UGT1A8: variants seen among roughly 807,000 people sequenced by gnomAD.
UGT1A8 encodes the protein UDP glucuronosyltransferase family 1 member A8, also known as UDP-glucuronosyltransferase 1A8.
UGT1A8 carries 39 observed loss-of-function variants against 45.3 expected under a neutral mutation model. The observed-to-expected ratio is 0.86, with a 90% confidence interval of 0.67 to 1.12. UGT1A8 has a LOEUF of 1.12. Ranked by LOEUF, UGT1A8 falls within the 50% of genes most tolerant of loss-of-function variation. UGT1A8 has a pLI of 0.00. For synonymous variants in UGT1A8, 275 were observed against 249.2 expected, an observed-to-expected ratio of 1.10 and a Z score of -0.97; for missense variants, 719 against 664.9, an observed-to-expected ratio of 1.08 and a Z score of -0.90.
Position 233,760,202 on chromosome 2 carries a change from A to C in UGT1A8, c.856-6832A>C, listed in dbSNP as rs1457649665. ...TTTTATAGTCACGTGACACAGTCAA[A>C]CATTAACTTGGTGTATCGATTGGTT... On this transcript the variant is annotated intron_variant, in intron 1 of 4. Transcript: ENST00000373450. 3.2e-6 allele frequency: 5 copies of C among 1,583,728 alleles called. No homozygotes were observed. The Admixed American group carries it at 8.5e-5, about 27-fold the overall frequency.
At chr2:233,631,569 T>C (rs1559315627) in intron 1 of UGT1A8, among the ~76,000 whole-genome samples, 1 of 152,232 alleles carries the variant, frequency 6.6e-6, no homozygotes. Flanking sequence ...GGTTTTGATT[T>C]GCATTTCTCT....
At chr2:233,701,365 A>G (rs571373047) in intron 1 of UGT1A8, among the ~76,000 whole-genome samples, 5 of 152,274 alleles carry the variant, frequency 3.3e-5, no homozygotes, top group African/African-American at 1.2e-4. Context: ...AGATCTACAA[A>G]GAGACTTAGA....
intron 1 of UGT1A8, among the ~76,000 whole-genome samples, chr2:233,695,779 T>G (rs1173631160): frequency 6.6e-6 from 1 of 152,234 alleles, no homozygotes; most frequent in Admixed American, 6.5e-5. Context: ...TGAATAATTT[T>G]CCATTCTGTA....
chr2:233,712,763 G>T (rs2125629904), intron 1 of UGT1A8, among the ~76,000 whole-genome samples: 1 of 152,292 alleles, frequency 6.6e-6, no homozygotes, highest in Non-Finnish European at 1.5e-5. Flanking sequence ...GCGAGCGCAA[G>T]GTCAGATGAG....
intron 1 of UGT1A8, chr2:233,691,559 G>A: frequency 2.0e-6 from 2 of 985,630 alleles, no homozygotes; most frequent in Non-Finnish European, 2.4e-6. Flanking sequence ...GTAATTCAAG[G>A]TACCACCTCT....
Position 233,748,142 on chromosome 2 carries a change from T to C in UGT1A8, c.856-18892T>C, listed in dbSNP as rs189249427. 1.9e-6 allele frequency: 3 copies of C among 1,607,776 alleles called. No homozygotes were observed. In the East Asian group the frequency reaches 6.7e-5, roughly 36 times the overall value. On this transcript the variant is annotated intron_variant, in intron 1 of 4. Coordinates refer to ENST00000373450, the MANE Select transcript of UGT1A8 (RefSeq NM_019076.5). ...CAAAACAGTTTTTAAAAATTGTATT[T>C]ACTTACAATTGCTTCCATATCTACT...
At chr2:233,682,150 T>C in intron 1 of UGT1A8, 1 of 1,614,172 alleles carries the variant, frequency 6.2e-7, no homozygotes, top group Non-Finnish European at 8.5e-7. Context: ...GATCACTGAA[T>C]TGCACAGTGA....
intron 1 of UGT1A8, among the ~76,000 whole-genome samples, chr2:233,675,742 A>G (rs1464784018): frequency 6.6e-6 from 1 of 152,202 alleles, no homozygotes; most frequent in Non-Finnish European, 1.5e-5. Context: ...TAATTCATCT[A>G]TCCCTTTATT....
intron 1 of UGT1A8, chr2:233,718,618 T>G: frequency 1.1e-6 from 1 of 872,510 alleles, no homozygotes; most frequent in Non-Finnish European, 1.4e-6. Context: ...AAGATAGGCG[T>G]GATTGGTCTT....
chr2:233,720,815 C>T (rs1284944346), intron 1 of UGT1A8, among the ~76,000 whole-genome samples: 2 of 151,724 alleles, frequency 1.3e-5, no homozygotes, highest in Non-Finnish European at 1.5e-5. Flanking sequence ...AAGAAATTCT[C>T]CCACCTCAGT....
intron 1 of UGT1A8, among the ~76,000 whole-genome samples, chr2:233,747,017 T>A (rs1217876341): frequency 1.3e-5 from 2 of 151,764 alleles, no homozygotes; most frequent in Non-Finnish European, 2.9e-5. Flanking sequence ...GAGTGATCGG[T>A]CTTTCCCGAA....
rs1260954458 is a variant in UGT1A8, at chr2:233,760,768, G to A, written c.856-6266G>A. ...TTTCCTTCCTTGCAGCCCCATCGTG[G>A]CCCAGTACCTGTCTCTGCCCACTGT... is the stretch of plus-strand genomic sequence containing the variant. On this transcript the variant is annotated intron_variant, in intron 1 of 4. Coordinates refer to ENST00000373450, the MANE Select transcript of UGT1A8 (RefSeq NM_019076.5). 3.1e-6 allele frequency: 5 copies of A among 1,613,838 alleles called. 1 individual carries two copies. The highest frequency in any genetic ancestry group is 3.4e-6 in the Non-Finnish European group (4 of 1,179,918).
In UGT1A8 at chr2:233,766,936, A is replaced by T. The variant is rs911091346; in HGVS notation, c.856-98A>T. The T allele has an allele frequency of 4.4e-6, 7 of 1,586,086 alleles. No homozygotes were observed. The South Asian group carries it at 7.0e-5, about 16-fold the overall frequency. ...ATCTCAAACACGCATGCCTTTAATC[A>T]TAGTCTTAAGAGGAAGATATCTAAT... is the stretch of plus-strand genomic sequence containing the variant. On this transcript the variant is annotated intron_variant, in intron 1 of 4. Coordinates refer to ENST00000373450, the MANE Select transcript of UGT1A8 (RefSeq NM_019076.5).
chr2:233,706,131 A>G (rs1421239326), intron 1 of UGT1A8, among the ~76,000 whole-genome samples: 3 of 152,176 alleles, frequency 2.0e-5, no homozygotes, highest in Non-Finnish European at 4.4e-5. Context: ...CTGACAGCAA[A>G]GTATTAAACA....
chr2:233,743,077 A>C (rs980978105), intron 1 of UGT1A8: 3 of 344,556 alleles, frequency 8.7e-6, no homozygotes, highest in African/African-American at 2.2e-5. Context: ...TGTTGGCATG[A>C]AGTGTTTATA....
At chr2:233,636,768 T>C (rs780833650) in intron 1 of UGT1A8, 2 of 1,614,168 alleles carry the variant, frequency 1.2e-6, no homozygotes, top group African/African-American at 1.3e-5. Flanking sequence ...CCTCGTACAC[T>C]CTGGAAGATC....
Position 233,618,127 on chromosome 2 carries a change from T to C in UGT1A8, c.420T>C (p.Ser140=). 6.2e-7 allele frequency: 1 copy of C among 1,613,852 alleles called. No homozygotes were observed. Among genetic ancestry groups the C allele is most frequent in the Non-Finnish European group, 8.5e-7 (1 of 1,179,980 alleles). The change falls in exon 1 of 5, where the codon AGT becomes AGC. Residue 140 remains serine (S), a synonymous_variant. Transcript: ENST00000373450. ...DRKLVEYLKE[S]SFDAVFLDPF... ...AATTAGTAGAATACTTAAAGGAGAG[T>C]TCTTTTGATGCGGTGTTTCTTGATC... is the stretch of plus-strand genomic sequence containing the variant.
chr2:233,629,999 T>G (rs999040548), intron 1 of UGT1A8, among the ~76,000 whole-genome samples: 3 of 151,948 alleles, frequency 2.0e-5, no homozygotes, highest in African/African-American at 7.3e-5. Flanking sequence ...ATATTGATAA[T>G]TTCTTTCTTC....
intron 1 of UGT1A8, chr2:233,718,719 G>C: frequency 6.2e-7 from 1 of 1,609,316 alleles, no homozygotes; most frequent in Admixed American, 1.7e-5. Context: ...ATTACATGCT[G>C]ATTTGCTAGG....
Sources: gnomAD v4.1 joint callset for allele counts (sites outside exome capture counted in the v4.1 genomes callset) on GRCh38, gnomAD v4.1.1 for gene constraint, MANE v1.5 for transcripts, NCBI Gene and HGNC (gene_info 2026-07-23, HGNC 2026-07-21) for gene names.